The following RARB variants were observed in gnomAD, a reference collection of about 807,000 sequenced individuals.
RARB encodes the protein retinoic acid receptor beta, also known as HBV-activated protein.
A neutral mutation model predicts 51.9 loss-of-function variants in RARB; 17 were observed. The ratio of observed to expected loss-of-function variants is 0.33; its 90% CI spans 0.22 to 0.49. The LOEUF is 0.49. RARB is among the 20% of genes least tolerant of loss of function. The probability of loss-of-function intolerance (pLI) is 0.99; values close to 1 mark genes in which losing one functional copy is unlikely to be tolerated. For synonymous variants in RARB, 215 were observed against 195.4 expected, an observed-to-expected ratio of 1.10 and a Z score of -0.84; for missense variants, 369 against 550.8, an observed-to-expected ratio of 0.67 and a Z score of 3.30.
chr3:25,436,110 C>T (rs1708425822), intron 1 of RARB, among the ~76,000 whole-genome samples: 1 of 152,154 alleles, frequency 6.6e-6, no homozygotes, highest in Non-Finnish European at 1.5e-5. Context: ...GTTTCATATG[C>T]TTTTTTATGG....
intron 5 of RARB, among the ~76,000 whole-genome samples, chr3:25,346,908 C>G (rs1198096076): frequency 6.6e-6 from 1 of 152,220 alleles, no homozygotes; most frequent in Non-Finnish European, 1.5e-5. Flanking sequence ...GATATTAGGT[C>G]TGCCCTCATA....
At chr3:25,312,846 T>C (rs942632578) in intron 5 of RARB, among the ~76,000 whole-genome samples, 13 of 152,208 alleles carry the variant, frequency 8.5e-5, no homozygotes, top group Non-Finnish European at 1.8e-4. Context: ...ACATGAGCTC[T>C]CTGGTTCTCC....
chr3:25,136,226 T>A (rs1700030223), intron 4 of RARB, among the ~76,000 whole-genome samples: 1 of 152,048 alleles, frequency 6.6e-6, no homozygotes. Context: ...CTCAAAGGGC[T>A]TATTAAAGAC....
chr3:25,490,581 C>G (rs564440155), intron 2 of RARB, among the ~76,000 whole-genome samples: 1 of 152,138 alleles, frequency 6.6e-6, no homozygotes, highest in Non-Finnish European at 1.5e-5. Flanking sequence ...TTTTCTCCCC[C>G]GCTTCTCAGT....
chr3:25,456,608 C>T (rs1694922004), intron 1 of RARB, among the ~76,000 whole-genome samples: 1 of 113,542 alleles, frequency 8.8e-6, no homozygotes, highest in African/African-American at 3.6e-5. Flanking sequence ...TGTTATAGGC[C>T]ACATAGAGGA....
At chr3:25,329,875 C>A (rs1704840194) in intron 5 of RARB, among the ~76,000 whole-genome samples, 1 of 152,080 alleles carries the variant, frequency 6.6e-6, no homozygotes, top group African/African-American at 2.4e-5. Flanking sequence ...CATGCACAAG[C>A]TTCAGTAGCT....
chr3:25,312,456 C>T (rs1257448256), intron 5 of RARB, among the ~76,000 whole-genome samples: 5 of 152,052 alleles, frequency 3.3e-5, no homozygotes, highest in Admixed American at 3.3e-4. Context: ...ACTGAAACTT[C>T]AGACCTTCTA....
intron 2 of RARB, among the ~76,000 whole-genome samples, chr3:24,987,514 G>A (rs1696819370): frequency 6.6e-6 from 1 of 152,228 alleles, no homozygotes; most frequent in African/African-American, 2.4e-5. Flanking sequence ...TGGATCCTCT[G>A]ATGCAAAACT....
At chr3:25,223,299 T>C (rs1053157694) in intron 5 of RARB, among the ~76,000 whole-genome samples, 25 of 152,232 alleles carry the variant, frequency 1.6e-4, no homozygotes, top group African/African-American at 5.8e-4. Flanking sequence ...TGTTGTTGTA[T>C]GTATTCATAT....
chr3:25,130,959 A>G (rs1575174446), intron 3 of RARB, among the ~76,000 whole-genome samples: 1 of 41,328 alleles, frequency 2.4e-5, no homozygotes, highest in Non-Finnish European at 4.3e-5. Flanking sequence ...ATTATTGATA[A>G]TATTATCAAT....
chr3:24,913,984 TACAC>T (rs1244255435), intron 2 of RARB, among the ~76,000 whole-genome samples: 2 of 152,200 alleles, frequency 1.3e-5, no homozygotes, highest in African/African-American at 2.4e-5. Flanking sequence ...GCGATGGAAA[TACAC>T]ACAAGTCAGC....
At chr3:25,126,220 G>A (rs1699857394) in intron 3 of RARB, among the ~76,000 whole-genome samples, 1 of 151,980 alleles carries the variant, frequency 6.6e-6, no homozygotes, top group South Asian at 2.1e-4. Flanking sequence ...TTAAAGTAAT[G>A]TTTCCTTTAA....
At chr3:25,376,110 A>G (rs74869619) in intron 5 of RARB, among the ~76,000 whole-genome samples, 5,307 of 152,302 alleles carry the variant, frequency 0.035, 121 homozygotes, top group Middle Eastern at 0.065. Context: ...AGGTCTAATG[A>G]TGTATTGCAG....
At chr3:25,169,149 G>A (rs1700603840) in intron 4 of RARB, among the ~76,000 whole-genome samples, 1 of 152,130 alleles carries the variant, frequency 6.6e-6, no homozygotes, top group Admixed American at 6.5e-5. Flanking sequence ...TTCATGCAGA[G>A]TCTCAAAAAA....
intron 5 of RARB, among the ~76,000 whole-genome samples, chr3:25,312,860 A>G (rs995261992): frequency 6.6e-6 from 1 of 152,196 alleles, no homozygotes; most frequent in Non-Finnish European, 1.5e-5. Context: ...GTTCTCCTCA[A>G]TCTCACCATT....
chr3:24,859,036 CAAAAAAAAAA>C (rs1169235713), intron 2 of RARB, among the ~76,000 whole-genome samples: 10 of 50,320 alleles, frequency 2.0e-4, no homozygotes, highest in Non-Finnish European at 4.3e-4. Context: ...GACTCTGTCT[CAAAAAAAAAA>C]AAAAAAAAAA....
chr3:25,274,943 A>C (rs1247664122), intron 5 of RARB, among the ~76,000 whole-genome samples: 7 of 152,122 alleles, frequency 4.6e-5, no homozygotes, highest in Admixed American at 4.6e-4. Flanking sequence ...CAGTGGAGGG[A>C]AGGAAATGGT....
At chr3:25,190,325 C>T (rs1357803937) in intron 5 of RARB, among the ~76,000 whole-genome samples, 5 of 152,084 alleles carry the variant, frequency 3.3e-5, no homozygotes, top group Non-Finnish European at 7.4e-5. Context: ...AACAAAAACA[C>T]TCAAGGGAGA....
At chr3:25,263,485 A>T (rs1703054805) in intron 5 of RARB, among the ~76,000 whole-genome samples, 1 of 152,100 alleles carries the variant, frequency 6.6e-6, no homozygotes, top group Non-Finnish European at 1.5e-5. Context: ...AGTTAATTTG[A>T]AATGTTGTTT....
Sources: gnomAD v4.1 joint callset for allele counts (sites outside exome capture counted in the v4.1 genomes callset) on GRCh38, gnomAD v4.1.1 for gene constraint, MANE v1.5 for transcripts, NCBI Gene and HGNC (gene_info 2026-07-23, HGNC 2026-07-21) for gene names.